Variants in TTC9 observed in about 807,000 individuals in gnomAD.
The protein encoded by TTC9 is tetratricopeptide repeat domain 9.
Under a neutral mutation model 22.9 loss-of-function variants are expected in TTC9, and 13 were observed. The ratio of observed to expected loss-of-function variants is 0.57; its 90% CI spans 0.37 to 0.90. The LOEUF (loss-of-function observed/expected upper bound fraction) is 0.90, where lower values mean the gene tolerates loss of function less well. TTC9 is among the 40% of genes least tolerant of loss of function. The pLI is 0.01. For synonymous variants in TTC9, 148 were observed against 133.2 expected (o/e 1.11, Z -0.77); for missense variants, 280 against 291.8 (o/e 0.96, Z 0.29).
chr14:70,650,618 GGT>G (rs1473154452), intron 1 of TTC9, among the ~76,000 whole-genome samples: 1 of 150,640 alleles, frequency 6.6e-6, no homozygotes, highest in African/African-American at 2.4e-5. Context: ...CTTGGACCAT[GGT>G]GTTCTGATTT....
chr14:70,642,573 T>C (rs1195170611), intron 1 of TTC9, 38 bp downstream of exon 1: 3 of 1,490,734 alleles, frequency 2.0e-6, no homozygotes, highest in Middle Eastern at 1.8e-4. Context: ...CGGTCCCCGT[T>C]CTTCGGCCCG....
At position 70,642,101 on chromosome 14, in the gene TTC9, C is replaced by G; in HGVS notation, c.-29C>G. On this transcript the variant is annotated 5_prime_UTR_variant, in exon 1 of 3. Transcript: ENST00000256367. Reference sequence around the variant, plus strand: ...GGCGGCGGCGGCGGGCAGATCGCGGCGCGCACCAGGCGCCGGGGCGGCGGC... The same window carrying G: ...GGCGGCGGCGGCGGGCAGATCGCGGGGCGCACCAGGCGCCGGGGCGGCGGC... The G allele has an allele frequency of 9.3e-7, 1 of 1,076,700 alleles. No individual in the cohort carries two copies. 66.7% of individuals were successfully genotyped at this position (1,076,700 alleles called of 1,614,324 possible). A position where few individuals can be genotyped will look rare whatever the true frequency, so the allele number is the denominator to read the frequency against.
chr14:70,661,006 T>A (rs1187836776), intron 1 of TTC9, among the ~76,000 whole-genome samples: 2 of 152,030 alleles, frequency 1.3e-5, no homozygotes, highest in East Asian at 3.9e-4. Context: ...TGACTTAAAA[T>A]AACAGAAATT....
At chr14:70,642,787 C>G (rs1291810739) in intron 1 of TTC9, among the ~76,000 whole-genome samples, 1 of 152,270 alleles carries the variant, frequency 6.6e-6, no homozygotes, top group Non-Finnish European at 1.5e-5. Flanking sequence ...GGGGACCCAG[C>G]TGGCCTGGCT....
At chr14:70,654,452 G>A (rs549162245) in intron 1 of TTC9, among the ~76,000 whole-genome samples, 9 of 151,582 alleles carry the variant, frequency 5.9e-5, no homozygotes, top group East Asian at 1.9e-4. Context: ...TTAGCCGGGC[G>A]TGGCGGTATA....
rs1886326863 is a variant in TTC9 at position 70,673,575 on chromosome 14, C to T, written c.*2420C>T. 1 of 151,648 alleles carries T rather than the reference C, an allele frequency of 6.6e-6. No individual in the cohort carries two copies. Among genetic ancestry groups the T allele is most frequent in the Non-Finnish European group, 1.5e-5 (1 of 67,938 alleles). The allele number at this position is 151,648 out of a possible 1,614,324, so 9.4% of individuals were successfully genotyped here. A position where few individuals can be genotyped will look rare whatever the true frequency, so the allele number is the denominator to read the frequency against. On this transcript the variant is annotated 3_prime_UTR_variant, in exon 3 of 3. Transcript: ENST00000256367. ...GGAATGTGTTCAAACGCCCCGACCC[C>T]CACCCCCACCCCCATTCCCAAGCCT...
intron 1 of TTC9, among the ~76,000 whole-genome samples, chr14:70,655,810 C>T (rs879837015): frequency 2.6e-5 from 4 of 152,166 alleles, no homozygotes; most frequent in Non-Finnish European, 5.9e-5. Flanking sequence ...AAGGAGTTTA[C>T]ATCTCAAAAA....
rs191953408 is a variant in TTC9 at position 70,669,845 on chromosome 14, T to C, written c.590-1231T>C. 1.1e-4 allele frequency among the ~76,000 whole-genome samples: 16 copies of C among 152,276 alleles called. No individual in the cohort carries two copies. In the East Asian group the frequency reaches 2.9e-3, roughly 28 times the overall value. On this transcript the variant is annotated intron_variant, in intron 2 of 2. Coordinates refer to ENST00000256367, the MANE Select transcript of TTC9 (RefSeq NM_015351.2). Reference sequence around the variant, plus strand: ...ACGCCTGGCATTTTTTAGCATGATATAGTATTCATTTCTACTTCCAGAAGT... The same window carrying C: ...ACGCCTGGCATTTTTTAGCATGATACAGTATTCATTTCTACTTCCAGAAGT...
chr14:70,658,553 C>G (rs755476320), intron 1 of TTC9, among the ~76,000 whole-genome samples: 9 of 152,068 alleles, frequency 5.9e-5, no homozygotes, highest in Admixed American at 2.6e-4. Flanking sequence ...CAAGGATGTG[C>G]TATAATTTCA....
intron 1 of TTC9, 41 bp downstream of exon 1, chr14:70,642,576 T>C (rs1205185579): frequency 6.8e-7 from 1 of 1,463,418 alleles, no homozygotes; most frequent in Non-Finnish European, 9.2e-7. Context: ...TCCCCGTTCT[T>C]CGGCCCGGTC....
chr14:70,667,434 C>A, intron 1 of TTC9, 130 bp from the exon 2 acceptor site: 2 of 929,718 alleles, frequency 2.2e-6, no homozygotes, highest in Non-Finnish European at 3.2e-6. Context: ...TATTGGAAGA[C>A]AAATCCCAAG....
At chr14:70,670,064 T>C (rs1422107581) in intron 2 of TTC9, among the ~76,000 whole-genome samples, 1 of 152,220 alleles carries the variant, frequency 6.6e-6, no homozygotes, top group African/African-American at 2.4e-5. Flanking sequence ...CTCTTCAAGC[T>C]TAAAAAAATT....
intron 1 of TTC9, among the ~76,000 whole-genome samples, chr14:70,659,119 A>AACACACACACATGCACAC (rs1886106046): frequency 7.4e-6 from 1 of 134,616 alleles, no homozygotes; most frequent in African/African-American, 2.7e-5. Context: ...TATATAACTA[A>AACACACACACATGCACAC]ACACACACAC....
chr14:70,642,473 T>C lies in TTC9; in HGVS notation c.344T>C (p.Leu115Pro), dbSNP rs1460697626. ...GCTGGGGCCCTGAAGCCCGGCCGCC[T>C]CTCGGAGGAGCAGAGCAAGACGGTG... is the stretch of plus-strand genomic sequence containing the variant. ...SPAGALKPGRLSEEQSKTVEA... is the reference protein window; with the variant it reads ...SPAGALKPGRPSEEQSKTVEA... The change falls in exon 1 of 3, where the codon CTC (leucine) becomes CCC (proline). Residue 115 changes from leucine to proline, a missense_variant. By Grantham distance (98) the Leu-to-Pro change is moderately conservative. This residue lies in a region of TTC9 where 165 missense variants were observed against 145.4 expected (regional missense o/e 1.14). Transcript: ENST00000256367. 3.9e-6 allele frequency: 6 copies of C among 1,549,828 alleles called. No individual in the cohort carries two copies. The South Asian group carries it at 5.9e-5, about 15-fold the overall frequency.
In TTC9 at chr14:70,642,006, C is replaced by A; in HGVS notation, c.-124C>A. ...GGCGCCAGACCGCCGCGGGGTGTCA[C>A]GGCCGCCACGAAGCCTGCGAGGCGC... On this transcript the variant is annotated 5_prime_UTR_variant, in exon 1 of 3. Coordinates refer to ENST00000256367, the MANE Select transcript of TTC9 (RefSeq NM_015351.2). 1 of 608,230 alleles carries A rather than the reference C, an allele frequency of 1.6e-6. No individual in the cohort carries two copies. Among genetic ancestry groups the A allele is most frequent in the Non-Finnish European group, 2.1e-6 (1 of 481,984 alleles). The allele number at this position is 608,230 out of a possible 1,614,324, so 37.7% of individuals were successfully genotyped here.
At chr14:70,647,143 A>T (rs1352234177) in intron 1 of TTC9, among the ~76,000 whole-genome samples, 1 of 152,216 alleles carries the variant, frequency 6.6e-6, no homozygotes, top group East Asian at 1.9e-4. Flanking sequence ...TGCCAGTTTT[A>T]AATGAACTTA....
Position 70,674,135 on chromosome 14 carries a change from A to G in TTC9, c.*2980A>G, listed in dbSNP as rs1278986616. 1 of 152,188 alleles carries G rather than the reference A, an allele frequency of 6.6e-6. No homozygotes were observed. Among genetic ancestry groups the G allele is most frequent in the Non-Finnish European group, 1.5e-5 (1 of 68,048 alleles). The allele number at this position is 152,188 out of a possible 1,614,324, so 9.4% of individuals were successfully genotyped here. On this transcript the variant is annotated 3_prime_UTR_variant, in exon 3 of 3. Coordinates refer to ENST00000256367, the MANE Select transcript of TTC9 (RefSeq NM_015351.2). ...CTTCTCCTCATCCCTCCCCAAAACA[A>G]GAACTGTGATTTAATTCCGTACGTT...
chr14:70,646,275 A>T (rs1381164755), intron 1 of TTC9, among the ~76,000 whole-genome samples: 1 of 152,226 alleles, frequency 6.6e-6, no homozygotes, highest in Non-Finnish European at 1.5e-5. Context: ...TGATACAATG[A>T]TTAGAAAAGA....
At chr14:70,659,136 A>G (rs201347241) in intron 1 of TTC9, among the ~76,000 whole-genome samples, 15 of 140,382 alleles carry the variant, frequency 1.1e-4, no homozygotes, top group Admixed American at 2.1e-4. Flanking sequence ...ACACACGCAC[A>G]CACACACACA....
Sources: gnomAD v4.1 joint callset for allele counts (sites outside exome capture counted in the v4.1 genomes callset) on GRCh38, gnomAD v4.1.1 for gene constraint, gnomAD v4.1.1 regional missense constraint, MANE v1.5 for transcripts, NCBI Gene and HGNC (gene_info 2026-07-23, HGNC 2026-07-21) for gene names.